Variants in ADGRV1 observed in about 807,000 individuals in gnomAD.
ADGRV1 encodes adhesion G protein-coupled receptor V1.
In ADGRV1, 359 loss-of-function variants were observed where a neutral mutation model predicts 596.2. The ratio of observed to expected loss-of-function variants is 0.60; its 90% CI spans 0.55 to 0.66. The LOEUF (loss-of-function observed/expected upper bound fraction) is 0.66. Ranked by LOEUF, ADGRV1 falls within the 30% of genes least tolerant of loss-of-function variation. The probability of loss-of-function intolerance (pLI) is 0.00; values close to 1 mark genes in which losing one functional copy is unlikely to be tolerated. For synonymous variants in ADGRV1, 2,681 were observed against 2,679.2 expected (o/e 1.00, Z -0.02); for missense variants, 7,274 against 7,575.6 (o/e 0.96, Z 1.48).
intron 82 of ADGRV1, 44 bp from the exon 83 acceptor site, chr5:90,863,713 T>G: frequency 7.2e-7 from 1 of 1,397,658 alleles, no homozygotes; most frequent in Non-Finnish European, 1.0e-6. Context: ...TGTTAGAATC[T>G]TCATGGATTA....
intron 87 of ADGRV1, among the ~76,000 whole-genome samples, chr5:91,130,069 G>A (rs767777668): frequency 3.9e-5 from 6 of 152,006 alleles, no homozygotes; most frequent in Non-Finnish European, 5.9e-5. Flanking sequence ...TGGAACTACA[G>A]ATAATCCAAA....
At chr5:90,855,599 A>G (rs896562109) in intron 81 of ADGRV1, 142 bp from the exon 82 acceptor site, 20 of 593,928 alleles carry the variant, frequency 3.4e-5, no homozygotes, top group Non-Finnish European at 5.4e-5. Flanking sequence ...TGTTCCCTTC[A>G]CTGTTTCTTC....
intron 83 of ADGRV1, among the ~76,000 whole-genome samples, chr5:90,963,297 A>G (rs1421940027): frequency 1.3e-5 from 2 of 152,138 alleles, no homozygotes; most frequent in African/African-American, 4.8e-5. Context: ...TCCAGTGCTT[A>G]GTGCATAGAA....
At chr5:90,785,764 A>G (rs1211878099) in intron 67 of ADGRV1, among the ~76,000 whole-genome samples, 1 of 152,190 alleles carries the variant, frequency 6.6e-6, no homozygotes, top group Non-Finnish European at 1.5e-5. Flanking sequence ...GATGCTGGAG[A>G]GGATGTGGAG....
intron 70 of ADGRV1, among the ~76,000 whole-genome samples, chr5:90,797,680 C>G (rs1430356736): frequency 3.3e-5 from 5 of 152,174 alleles, no homozygotes; most frequent in African/African-American, 1.2e-4. Context: ...ATATCTTCTT[C>G]TCAGCACCTC....
intron 40 of ADGRV1, 23 bp downstream of exon 40, chr5:90,711,082 G>A (rs1158784866): frequency 4.4e-6 from 7 of 1,585,474 alleles, no homozygotes; most frequent in Admixed American, 1.7e-5. Context: ...CTGCATGAGA[G>A]CCCTCTTCTG....
At position 90,810,896 on chromosome 5, in the gene ADGRV1, C is replaced by G. The variant is rs976731602; in HGVS notation, c.15636C>G (p.Ala5212=). The change falls in exon 74 of 90, where the codon GCC becomes GCG. Residue 5212 remains alanine, a synonymous_variant. Transcript: ENST00000405460. ...SEKPDVATVT[A]NVSIHGTFSL... is the part of the protein sequence containing the mutation. ...AGCCTGATGTGGCCACTGTAACTGC[C>G]AATGTTTCCATTCATGGAACATTCA... 1 of 1,613,840 alleles carries G rather than the reference C, an allele frequency of 6.2e-7. No homozygotes were observed. The highest frequency in any genetic ancestry group is 1.3e-5 in the African/African-American group (1 of 74,892).
intron 1 of ADGRV1, among the ~76,000 whole-genome samples, chr5:90,571,336 C>G (rs1483175693): frequency 6.6e-6 from 1 of 152,036 alleles, no homozygotes; most frequent in Non-Finnish European, 1.5e-5. Context: ...TGCACACAGC[C>G]TCAAAACCAG....
At chr5:90,966,471 G>T (rs1435719938) in intron 84 of ADGRV1, among the ~76,000 whole-genome samples, 1 of 144,244 alleles carries the variant, frequency 6.9e-6, no homozygotes, top group African/African-American at 2.6e-5. Flanking sequence ...GGCGGAGGTT[G>T]CAGTAAGCCG....
intron 85 of ADGRV1, among the ~76,000 whole-genome samples, chr5:91,014,503 C>T (rs954159589): frequency 6.6e-6 from 1 of 151,718 alleles, no homozygotes; most frequent in African/African-American, 2.4e-5. Flanking sequence ...TCCATCAGGT[C>T]CTGGGAGTTT....
At chr5:90,822,423 G>T (rs868830177) in intron 75 of ADGRV1, among the ~76,000 whole-genome samples, 20 of 152,218 alleles carry the variant, frequency 1.3e-4, no homozygotes, top group African/African-American at 4.8e-4. Flanking sequence ...TTCCTATTCG[G>T]CCATCTTGGC....
chr5:91,138,179 T>C (rs947912781), intron 87 of ADGRV1, among the ~76,000 whole-genome samples: 3 of 152,172 alleles, frequency 2.0e-5, no homozygotes, highest in Admixed American at 2.0e-4. Context: ...ACTTCAGCTC[T>C]TATTCCAAAA....
At chr5:90,951,776 T>C (rs1296842088) in intron 83 of ADGRV1, among the ~76,000 whole-genome samples, 1 of 152,178 alleles carries the variant, frequency 6.6e-6, no homozygotes, top group East Asian at 1.9e-4. Flanking sequence ...GCCAATATGC[T>C]CAGTACTAGA....
chr5:91,022,350 C>T (rs762428013), intron 85 of ADGRV1, among the ~76,000 whole-genome samples: 3 of 152,012 alleles, frequency 2.0e-5, no homozygotes, highest in Non-Finnish European at 2.9e-5. Flanking sequence ...TCCAACTACT[C>T]ATCGTGTCAG....
intron 33 of ADGRV1, 137 bp downstream of exon 33, chr5:90,694,838 A>G (rs1746984105): frequency 1.3e-6 from 1 of 764,988 alleles, no homozygotes; most frequent in Admixed American, 3.2e-5. Context: ...TTAGAAAAAA[A>G]TAGAAGTTAA....
chr5:90,631,762 TG>T (rs1422990507), intron 9 of ADGRV1, among the ~76,000 whole-genome samples: 1 of 152,086 alleles, frequency 6.6e-6, no homozygotes. Context: ...ATACTGCAAA[TG>T]GCCACGCACA....
intron 83 of ADGRV1, among the ~76,000 whole-genome samples, chr5:90,958,413 G>A (rs555467009): frequency 7.9e-5 from 12 of 151,830 alleles, no homozygotes; most frequent in Non-Finnish European, 1.2e-4. Context: ...CCAGCAAACA[G>A]CAAAGTAAGA....
At position 90,810,704 on chromosome 5, in the gene ADGRV1, A is replaced by G; in HGVS notation, c.15444A>G (p.Thr5148=). 6.2e-7 allele frequency: 1 copy of G among 1,613,816 alleles called. No homozygotes were observed. Among genetic ancestry groups the G allele is most frequent in the Non-Finnish European group, 8.5e-7 (1 of 1,179,848 alleles). ...CAACTGTGGCTGTAGCAGTTGACAC[A>G]ACTCTCATTCCTGTAGAAACTGAAT... ...PETTVAVAVD[T]TLIPVETEST... is the part of the protein sequence containing the mutation. Residue 5148 remains threonine (T), a synonymous_variant, in exon 74 of 90, where the codon ACA becomes ACG. Transcript: ENST00000405460.
intron 10 of ADGRV1, among the ~76,000 whole-genome samples, chr5:90,636,796 T>A (rs1048057412): frequency 6.6e-6 from 1 of 152,114 alleles, no homozygotes; most frequent in Admixed American, 6.5e-5. Context: ...ATGTCTTGTT[T>A]TTTTTTTTCC....
Sources: gnomAD v4.1 joint callset for allele counts (sites outside exome capture counted in the v4.1 genomes callset) on GRCh38, gnomAD v4.1.1 for gene constraint, MANE v1.5 for transcripts, NCBI Gene and HGNC (gene_info 2026-07-23, HGNC 2026-07-21) for gene names.